MLLT3: variants seen among roughly 807,000 people sequenced by gnomAD.
MLLT3 encodes the protein protein AF-9.
MLLT3 carries 4 observed loss-of-function variants against 53.2 expected under a neutral mutation model. The ratio of observed to expected loss-of-function variants is 0.08; its 90% CI spans 0.04 to 0.17. The LOEUF is 0.17. MLLT3 is among the 10% of genes least tolerant of loss of function. The probability of loss-of-function intolerance (pLI) is 1.00; values close to 1 mark genes in which losing one functional copy is unlikely to be tolerated. For missense variants in MLLT3, 569 were observed against 684.0 expected, an observed-to-expected ratio of 0.83 and a Z score of 1.87; for synonymous variants, 283 against 230.6, an observed-to-expected ratio of 1.23 and a Z score of -2.06.
At chr9:20,551,808 T>C (rs775625608) in intron 2 of MLLT3, among the ~76,000 whole-genome samples, 5 of 152,214 alleles carry the variant, frequency 3.3e-5, no homozygotes, top group Non-Finnish European at 5.9e-5. Flanking sequence ...TTAATTTTTA[T>C]TGAACATTAA....
chr9:20,602,265 A>C (rs1204741931), intron 2 of MLLT3, among the ~76,000 whole-genome samples: 2 of 152,252 alleles, frequency 1.3e-5, no homozygotes, highest in East Asian at 3.9e-4. Context: ...GATTTACTAA[A>C]ATAACTTATC....
At chr9:20,580,347 G>A (rs1248418544) in intron 2 of MLLT3, among the ~76,000 whole-genome samples, 1 of 151,626 alleles carries the variant, frequency 6.6e-6, no homozygotes, top group Non-Finnish European at 1.5e-5. Context: ...TGCATGTTAC[G>A]TTAGTTAACT....
At chr9:20,616,552 T>TAAGATGCACACAACGTCTTC (rs1820837868) in intron 2 of MLLT3, among the ~76,000 whole-genome samples, 1 of 152,160 alleles carries the variant, frequency 6.6e-6, no homozygotes, top group Non-Finnish European at 1.5e-5. Flanking sequence ...ACTAAACTAC[T>TAAGATGCACACAACGTCTTC]AGTAAGAGTT....
rs146415869 is a variant in MLLT3 at position 20,387,129 on chromosome 9, T to C, written c.1126-21385A>G. Among the ~76,000 whole-genome samples the C allele has an allele frequency of 3.0e-4, 45 of 152,338 alleles. 1 individual carries two copies. The East Asian group carries it at 7.9e-3, about 27-fold the overall frequency. On this transcript the variant is annotated intron_variant, in intron 5 of 10. Transcript: ENST00000380338. ...CAGGCTTTTCCTATAAAAGACTGAA[T>C]AGTAAATGTTTTAGCCTTCACAGGC...
chr9:20,475,637 C>A (rs1417351672), intron 2 of MLLT3, among the ~76,000 whole-genome samples: 2 of 151,994 alleles, frequency 1.3e-5, no homozygotes, highest in Non-Finnish European at 2.9e-5. Flanking sequence ...TTGTTTAAAA[C>A]AAAACAAAAC....
chr9:20,454,804 T>G (rs1823920020), intron 3 of MLLT3, among the ~76,000 whole-genome samples: 1 of 152,146 alleles, frequency 6.6e-6, no homozygotes, highest in Non-Finnish European at 1.5e-5. Context: ...TCTAAATTCC[T>G]TCCCACAAAC....
Position 20,533,919 on chromosome 9 carries a change from G to A in MLLT3, c.194-77133C>T, listed in dbSNP as rs369377008. On this transcript the variant is annotated intron_variant, in intron 2 of 10. Coordinates refer to ENST00000380338, the MANE Select transcript of MLLT3 (RefSeq NM_004529.4). ...AGAATCAGGGACATGTTAGTCAAAG[G>A]GCACAAAGTTTCAGTTAAAATCTAA... Among the ~76,000 whole-genome samples the A allele has an allele frequency of 2.4e-4, 36 of 152,252 alleles. No homozygotes were observed. The East Asian group carries it at 6.0e-3, about 25-fold the overall frequency.
intron 2 of MLLT3, among the ~76,000 whole-genome samples, chr9:20,592,627 G>C (rs957216858): frequency 6.6e-6 from 1 of 152,148 alleles, no homozygotes; most frequent in Non-Finnish European, 1.5e-5. Context: ...TGCATGGGTA[G>C]GGGGCACATA....
chr9:20,437,922 G>A (rs978363922), intron 4 of MLLT3, among the ~76,000 whole-genome samples: 3 of 152,160 alleles, frequency 2.0e-5, no homozygotes, highest in African/African-American at 7.2e-5. Context: ...TTGTAGCCAT[G>A]TTCTTTCAAA....
intron 2 of MLLT3, among the ~76,000 whole-genome samples, chr9:20,590,345 G>A (rs963914201): frequency 6.6e-6 from 1 of 152,188 alleles, no homozygotes; most frequent in Non-Finnish European, 1.5e-5. Flanking sequence ...TGGGTTGCAT[G>A]TGTCCCCTAT....
intron 5 of MLLT3, among the ~76,000 whole-genome samples, chr9:20,394,162 A>G (rs1374720071): frequency 6.6e-6 from 1 of 152,134 alleles, no homozygotes; most frequent in Non-Finnish European, 1.5e-5. Context: ...AGGCTTCTGG[A>G]TGCAGGCTGA....
chr9:20,616,508 C>A (rs943608787), intron 2 of MLLT3, among the ~76,000 whole-genome samples: 1 of 152,042 alleles, frequency 6.6e-6, no homozygotes, highest in Non-Finnish European at 1.5e-5. Flanking sequence ...TCAAACACTA[C>A]AAAAATAACC....
At position 20,406,039 on chromosome 9, in the gene MLLT3, G is replaced by A. The variant is rs535975011; in HGVS notation, c.1125+7682C>T. ...AGGCAGCAGAATCGCTTGAACCTAG[G>A]AGGCAGAGGCTGCAGTGAGCCGAGA... On this transcript the variant is annotated intron_variant, in intron 5 of 10. Coordinates refer to ENST00000380338, the MANE Select transcript of MLLT3 (RefSeq NM_004529.4). 1.4e-4 allele frequency among the ~76,000 whole-genome samples: 22 copies of A among 152,136 alleles called. No individual in the cohort carries two copies. In the South Asian group the frequency reaches 4.6e-3, roughly 32 times the overall value.
intron 2 of MLLT3, among the ~76,000 whole-genome samples, chr9:20,485,337 C>T (rs778050490): frequency 5.9e-5 from 9 of 152,014 alleles, no homozygotes; most frequent in African/African-American, 1.2e-4. Flanking sequence ...TTCAAGTCTC[C>T]GTTAATAGTT....
In MLLT3 at chr9:20,621,674, C is replaced by A; in HGVS notation, c.12+571G>T. On this transcript the variant is annotated intron_variant, in intron 1 of 10. Coordinates refer to ENST00000380338, the MANE Select transcript of MLLT3 (RefSeq NM_004529.4). The surrounding 1 kb of genome is among the most constrained non-coding windows in gnomAD (Gnocchi z 7.0). ...CGGACAGCCGCCGAGCCTCGGCTCG[C>A]GCTCAGCACCTCCCGGCGCTGGGGC... The A allele has an allele frequency of 1.6e-6, 2 of 1,227,234 alleles. No individual in the cohort carries two copies. Among genetic ancestry groups the A allele is most frequent in the Non-Finnish European group, 2.2e-6 (2 of 915,676 alleles). 76.0% of individuals were successfully genotyped at this position (1,227,234 alleles called of 1,614,324 possible). A position where few individuals can be genotyped will look rare whatever the true frequency, so the allele number is the denominator to read the frequency against.
rs545564095 is a variant in MLLT3 at position 20,344,459 on chromosome 9, C to T, written c.*1984G>A. On this transcript the variant is annotated 3_prime_UTR_variant, in exon 11 of 11. Coordinates refer to ENST00000380338, the MANE Select transcript of MLLT3 (RefSeq NM_004529.4). ...TCCAGCTATAAAGTTAAAAACAAAACGCAACTGAAACCACACAATTCATCA... is the reference window on the plus strand; with the variant it reads ...TCCAGCTATAAAGTTAAAAACAAAATGCAACTGAAACCACACAATTCATCA... 2 of 218,748 alleles carry T rather than the reference C, an allele frequency of 9.1e-6. No individual in the cohort carries two copies. The highest frequency in any genetic ancestry group is 1.3e-4 in the East Asian group (2 of 14,900). 13.6% of individuals were successfully genotyped at this position (218,748 alleles called of 1,614,324 possible). A position where few individuals can be genotyped will look rare whatever the true frequency, so the allele number is the denominator to read the frequency against.
chr9:20,407,551 T>G (rs1380228483), intron 5 of MLLT3, among the ~76,000 whole-genome samples: 1 of 152,172 alleles, frequency 6.6e-6, no homozygotes, highest in African/African-American at 2.4e-5. Context: ...ATTCAAGGCT[T>G]TCCCAGCAGC....
chr9:20,488,648 T>G (rs1255395249), intron 2 of MLLT3, among the ~76,000 whole-genome samples: 1 of 152,178 alleles, frequency 6.6e-6, no homozygotes, highest in Non-Finnish European at 1.5e-5. Context: ...AAAAGCAATA[T>G]ACAGAATCTG....
chr9:20,447,526 A>G (rs1238916487), intron 4 of MLLT3, among the ~76,000 whole-genome samples: 1 of 152,188 alleles, frequency 6.6e-6, no homozygotes, highest in Non-Finnish European at 1.5e-5. Context: ...TTATGTTTCC[A>G]AGAGGTACCA....
Sources: gnomAD v4.1 joint callset for allele counts (sites outside exome capture counted in the v4.1 genomes callset) on GRCh38, gnomAD v4.1.1 for gene constraint, Gnocchi (gnomAD v3.1) non-coding constraint, MANE v1.5 for transcripts, NCBI Gene and HGNC (gene_info 2026-07-23, HGNC 2026-07-21) for gene names.